MIPEP: variants seen among roughly 807,000 people sequenced by gnomAD.
MIPEP encodes the protein mitochondrial intermediate peptidase.
A neutral mutation model predicts 90.3 loss-of-function variants in MIPEP; 79 were observed. The observed-to-expected ratio is 0.87, with a 90% CI of 0.73 to 1.05. The LOEUF (loss-of-function observed/expected upper bound fraction) is 1.05, where lower values mean the gene tolerates loss of function less well. MIPEP is among the 50% of genes least tolerant of loss of function. MIPEP has a pLI of 0.00. For synonymous variants in MIPEP, 334 were observed against 315.8 expected (o/e 1.06, Z -0.61); for missense variants, 940 against 905.6 (o/e 1.04, Z -0.49).
At chr13:23,856,630 C>T (rs1870059525) in intron 10 of MIPEP, among the ~76,000 whole-genome samples, 1 of 152,170 alleles carries the variant, frequency 6.6e-6, no homozygotes, top group Non-Finnish European at 1.5e-5. Context: ...GTGAATTATG[C>T]TAATGAGTAG....
At chr13:23,746,871 G>T (rs1331390032) in intron 18 of MIPEP, among the ~76,000 whole-genome samples, 1 of 152,104 alleles carries the variant, frequency 6.6e-6, no homozygotes, top group Non-Finnish European at 1.5e-5. Flanking sequence ...AGACCTCAAA[G>T]TCAACCTCTG....
chr13:23,857,556 T>C (rs1301663737), intron 10 of MIPEP, among the ~76,000 whole-genome samples: 2 of 152,148 alleles, frequency 1.3e-5, no homozygotes, highest in African/African-American at 4.8e-5. Flanking sequence ...GGCGACAAAG[T>C]GAGACCCTGT....
At chr13:23,766,261 T>C (rs1481580648) in intron 16 of MIPEP, among the ~76,000 whole-genome samples, 3 of 152,220 alleles carry the variant, frequency 2.0e-5, no homozygotes, top group African/African-American at 7.2e-5. Flanking sequence ...ATGCAGAGAA[T>C]CTGAGTAGGG....
At chr13:23,852,827 C>T (rs1352139898) in intron 10 of MIPEP, among the ~76,000 whole-genome samples, 1 of 152,124 alleles carries the variant, frequency 6.6e-6, no homozygotes, top group Non-Finnish European at 1.5e-5. Context: ...CTGTTATTTC[C>T]CTTGCAGACC....
intron 10 of MIPEP, among the ~76,000 whole-genome samples, chr13:23,854,157 C>G (rs113529688): frequency 0.022 from 3,269 of 147,084 alleles, 140 homozygotes; most frequent in African/African-American, 0.078. Context: ...AACCTCGTCT[C>G]TACTAAAAAT....
chr13:23,809,723 C>T (rs1953151067), intron 15 of MIPEP, 127 bp downstream of exon 15: 1 of 628,986 alleles, frequency 1.6e-6, no homozygotes. Context: ...GTTCTTTGAA[C>T]TCAGATGAAA....
intron 9 of MIPEP, 82 bp downstream of exon 9, chr13:23,862,220 C>A: frequency 3.5e-6 from 3 of 859,202 alleles, no homozygotes; most frequent in Non-Finnish European, 5.6e-6. Context: ...TAGCCTATCA[C>A]AAGAAAGTTC....
At chr13:23,737,806 C>G (rs762619773) in intron 18 of MIPEP, among the ~76,000 whole-genome samples, 2 of 152,182 alleles carry the variant, frequency 1.3e-5, no homozygotes, top group Non-Finnish European at 2.9e-5. Context: ...GCTCCCTTTC[C>G]TAAGGCCCTA....
At chr13:23,834,452 C>T (rs1868930139) in intron 14 of MIPEP, among the ~76,000 whole-genome samples, 1 of 152,206 alleles carries the variant, frequency 6.6e-6, no homozygotes, top group Non-Finnish European at 1.5e-5. Flanking sequence ...CCTAGTCAGG[C>T]TCTGTCTCAG....
chr13:23,810,775 C>T (rs901899658), intron 14 of MIPEP, among the ~76,000 whole-genome samples: 1 of 152,178 alleles, frequency 6.6e-6, no homozygotes. Flanking sequence ...AAACTAGCCA[C>T]TGCTTTGTAG....
intron 4 of MIPEP, 150 bp from the exon 5 acceptor site, chr13:23,875,059 CACACTT>C (rs1287035637): frequency 1.2e-5 from 6 of 520,136 alleles, no homozygotes; most frequent in South Asian, 6.3e-5. Context: ...CACACACACA[CACACTT>C]TGTTTTAAAC....
rs1870712418 is a variant in MIPEP, at chr13:23,870,006, T to C, written c.786+7A>G. On this transcript the variant is annotated splice_region_variant and intron_variant, in intron 6 of 18. Transcript: ENST00000382172. ...CCTAAACAACAAAGAGAATGAAACA[T>C]ACATACCAAGTCATCTGGTGATTCT... 6.3e-7 allele frequency: 1 copy of C among 1,580,986 alleles called. No homozygotes were observed. The highest frequency in any genetic ancestry group is 8.6e-7 in the Non-Finnish European group (1 of 1,162,226).
intron 16 of MIPEP, among the ~76,000 whole-genome samples, chr13:23,791,167 ACCC>A (rs1367773851): frequency 6.6e-6 from 1 of 152,020 alleles, no homozygotes; most frequent in African/African-American, 2.4e-5. Flanking sequence ...GCTCTGAATA[ACCC>A]TCAGGTCCAT....
intron 16 of MIPEP, among the ~76,000 whole-genome samples, chr13:23,804,367 T>C (rs1336230186): frequency 2.6e-5 from 4 of 152,244 alleles, no homozygotes; most frequent in South Asian, 4.2e-4. Context: ...AAGAAGAATA[T>C]AAGATGAGAA....
At chr13:23,748,822 A>G (rs1952409821) in intron 18 of MIPEP, among the ~76,000 whole-genome samples, 1 of 152,230 alleles carries the variant, frequency 6.6e-6, no homozygotes, top group Admixed American at 6.5e-5. Flanking sequence ...CTGCGCCTCC[A>G]CATACCTGGA....
Position 23,730,203 on chromosome 13 carries a change from T to G in MIPEP, c.*145A>C, listed in dbSNP as rs1383427554. 4.9e-6 allele frequency: 3 copies of G among 613,046 alleles called. No homozygotes were observed. Among genetic ancestry groups the G allele is most frequent in the African/African-American group, 1.8e-5 (1 of 54,088 alleles). The allele number at this position is 613,046 out of a possible 1,614,324, so 38.0% of individuals were successfully genotyped here. On this transcript the variant is annotated 3_prime_UTR_variant, in exon 19 of 19. Transcript: ENST00000382172. ...AAAAGCCAGAATAATTAAAACAAAT[T>G]ATTTATTCCAAGTTCTACCAGTTTA...
At chr13:23,797,050 T>C (rs1046672824) in intron 16 of MIPEP, among the ~76,000 whole-genome samples, 4 of 152,236 alleles carry the variant, frequency 2.6e-5, no homozygotes, top group Admixed American at 6.5e-5. Context: ...GTTGTGATTA[T>C]AGCAGTAGAA....
intron 14 of MIPEP, among the ~76,000 whole-genome samples, chr13:23,826,274 T>C (rs981800708): frequency 3.3e-5 from 5 of 152,116 alleles, no homozygotes; most frequent in Non-Finnish European, 7.4e-5. Flanking sequence ...ATTTTTGCTA[T>C]ATCAAAAAAT....
intron 7 of MIPEP, among the ~76,000 whole-genome samples, chr13:23,867,278 T>C (rs1870584303): frequency 6.6e-6 from 1 of 152,154 alleles, no homozygotes; most frequent in African/African-American, 2.4e-5. Flanking sequence ...CACTCTGCCC[T>C]CCTCAAACGT....
Sources: allele counts gnomAD v4.1 joint callset (sites outside exome capture counted in the v4.1 genomes callset), GRCh38; gene constraint gnomAD v4.1.1; transcripts MANE v1.5; gene names NCBI Gene and HGNC (gene_info 2026-07-23, HGNC 2026-07-21).